Variants in NELL2 observed in about 807,000 individuals in gnomAD.
The protein encoded by NELL2 is neural EGFL like 2.
A neutral mutation model predicts 109.6 loss-of-function variants in NELL2; 41 were observed. That is an observed-to-expected ratio of 0.37 (90% CI 0.29 to 0.49). The LOEUF (loss-of-function observed/expected upper bound fraction) is 0.49, where lower values mean the gene tolerates loss of function less well. Among genes scored for constraint, NELL2 ranks in the 20% least tolerant of loss-of-function variants. The pLI is 0.98. For missense variants in NELL2, 900 were observed against 1,008.3 expected (o/e 0.89, Z 1.45); for synonymous variants, 355 against 344.7 (o/e 1.03, Z -0.33).
At chr12:44,914,915 T>G (rs1945816372), upstream of NELL2, among the ~76,000 whole-genome samples, 1 of 151,998 alleles carries the variant, frequency 6.6e-6, no homozygotes, top group African/African-American at 2.4e-5. Context: ...AGTGGCGTGA[T>G]CTCGGCTCAC....
intron 12 of NELL2, among the ~76,000 whole-genome samples, chr12:44,676,117 C>T (rs1483940856): frequency 1.3e-5 from 2 of 152,034 alleles, no homozygotes; most frequent in Non-Finnish European, 2.9e-5. Flanking sequence ...TCATGCAGCT[C>T]AATTGCAAAG....
chr12:44,772,765 T>C (rs552138654), intron 9 of NELL2, among the ~76,000 whole-genome samples: 1 of 152,256 alleles, frequency 6.6e-6, no homozygotes, highest in South Asian at 2.1e-4. Flanking sequence ...TTTTTAGCCA[T>C]ATCTAATGAG....
At chr12:44,848,327 T>A (rs1944435169) in intron 2 of NELL2, among the ~76,000 whole-genome samples, 1 of 151,996 alleles carries the variant, frequency 6.6e-6, no homozygotes, top group Admixed American at 6.6e-5. Context: ...AGCACCAGAC[T>A]CCCCAGGGTC....
At chr12:44,880,160 AAC>A (rs1380798943), upstream of NELL2, among the ~76,000 whole-genome samples, 1 of 149,244 alleles carries the variant, frequency 6.7e-6, no homozygotes, top group Non-Finnish European at 1.5e-5. Flanking sequence ...GAGAGAGAAA[AAC>A]AGAGAATTAG....
chr12:44,764,480 A>G (rs577059013), intron 9 of NELL2, among the ~76,000 whole-genome samples: 1 of 152,344 alleles, frequency 6.6e-6, no homozygotes, highest in African/African-American at 2.4e-5. Flanking sequence ...TTATAAAATC[A>G]TATTTCCTAA....
At chr12:44,708,565 A>C (rs1321084471) in intron 11 of NELL2, among the ~76,000 whole-genome samples, 1 of 152,230 alleles carries the variant, frequency 6.6e-6, no homozygotes, top group Non-Finnish European at 1.5e-5. Flanking sequence ...CTAAAAATTT[A>C]AGCCTTGAAA....
At chr12:44,772,785 C>T (rs1390256509) in intron 9 of NELL2, among the ~76,000 whole-genome samples, 1 of 149,288 alleles carries the variant, frequency 6.7e-6, no homozygotes, top group Admixed American at 6.7e-5. Context: ...GGGCCTATGG[C>T]TTTTTTTTTT....
intron 9 of NELL2, among the ~76,000 whole-genome samples, chr12:44,754,795 A>G (rs1361944336): frequency 6.6e-6 from 1 of 152,232 alleles, no homozygotes; most frequent in Non-Finnish European, 1.5e-5. Context: ...TAACCTATTG[A>G]AAAGTATAAA....
chr12:44,818,888 G>A (rs1399226557), intron 2 of NELL2, among the ~76,000 whole-genome samples: 1 of 150,426 alleles, frequency 6.6e-6, no homozygotes. Flanking sequence ...GACTACAGGC[G>A]CCCGCCACCG....
chr12:44,643,823 G>T (rs1946950548), intron 13 of NELL2, among the ~76,000 whole-genome samples: 1 of 152,092 alleles, frequency 6.6e-6, no homozygotes, highest in African/African-American at 2.4e-5. Flanking sequence ...GTTCTATTAT[G>T]TGCATAATGA....
At chr12:44,873,732 AAAC>A (rs1054036133) in intron 2 of NELL2, among the ~76,000 whole-genome samples, 3 of 101,568 alleles carry the variant, frequency 3.0e-5, no homozygotes, top group Admixed American at 1.1e-4. Context: ...ACACAATACA[AAAC>A]AACAACAACA....
intron 12 of NELL2, among the ~76,000 whole-genome samples, chr12:44,690,937 A>G (rs910863202): frequency 1.1e-4 from 16 of 152,316 alleles, no homozygotes; most frequent in South Asian, 1.0e-3. Flanking sequence ...TCACTAATTG[A>G]TGACTTAATT....
At chr12:44,523,676 T>C in intron 16 of NELL2, 192 bp from the exon 17 acceptor site, 1 of 577,736 alleles carries the variant, frequency 1.7e-6, no homozygotes, top group Non-Finnish European at 3.0e-6. Context: ...GAAAATATTA[T>C]CATGTTTGAT....
upstream of NELL2, among the ~76,000 whole-genome samples, chr12:44,914,609 C>T (rs35492863): frequency 0.026 from 4,013 of 152,192 alleles, 84 homozygotes; most frequent in Non-Finnish European, 0.039. Flanking sequence ...AATGAAAATT[C>T]ATGAGCACAA....
intron 13 of NELL2, among the ~76,000 whole-genome samples, chr12:44,637,657 A>G (rs1318624854): frequency 6.6e-6 from 1 of 150,652 alleles, no homozygotes; most frequent in Non-Finnish European, 1.5e-5. Context: ...AACTGCGGGA[A>G]AAAGCCTCAC....
At chr12:44,802,499 G>C (rs977754890) in intron 3 of NELL2, among the ~76,000 whole-genome samples, 3 of 151,914 alleles carry the variant, frequency 2.0e-5, no homozygotes, top group Non-Finnish European at 4.4e-5. Context: ...AGTTCAATAC[G>C]TGCAATACTG....
chr12:44,673,897 A>G (rs1189333070), intron 12 of NELL2, among the ~76,000 whole-genome samples: 1 of 152,172 alleles, frequency 6.6e-6, no homozygotes, highest in Non-Finnish European at 1.5e-5. Context: ...CTAAACACTC[A>G]TAATGTACAT....
chr12:44,880,462 A>C (rs2136857206), upstream of NELL2, among the ~76,000 whole-genome samples: 1 of 152,152 alleles, frequency 6.6e-6, no homozygotes, highest in South Asian at 2.1e-4. Context: ...AATATTACTG[A>C]GAATGTGCCA....
intron 12 of NELL2, among the ~76,000 whole-genome samples, chr12:44,694,506 A>G (rs1346320299): frequency 7.5e-6 from 1 of 132,462 alleles, no homozygotes; most frequent in African/African-American, 2.8e-5. Context: ...TATATAATAT[A>G]CAACACACAT....
Sources: gnomAD v4.1 joint callset for allele counts (sites outside exome capture counted in the v4.1 genomes callset) on GRCh38, gnomAD v4.1.1 for gene constraint, MANE v1.5 for transcripts, NCBI Gene and HGNC (gene_info 2026-07-23, HGNC 2026-07-21) for gene names.